Variants in BCL9 observed in about 807,000 individuals in gnomAD.
BCL9 encodes B-cell CLL/lymphoma 9 protein.
A neutral mutation model predicts 88.5 loss-of-function variants in BCL9; 25 were observed. That is an observed-to-expected ratio of 0.28 (90% confidence interval 0.21 to 0.39). The LOEUF is 0.39. BCL9 is among the 10% of genes least tolerant of loss of function. BCL9 has a pLI of 1.00. For missense variants in BCL9, 1,817 were observed against 1,877.8 expected (o/e 0.97, Z 0.60); for synonymous variants, 711 against 673.3 (o/e 1.06, Z -0.87).
intron 1 of BCL9, among the ~76,000 whole-genome samples, chr1:147,550,969 G>A (rs1654874966): frequency 6.6e-6 from 1 of 152,194 alleles, no homozygotes; most frequent in African/African-American, 2.4e-5. Flanking sequence ...AGAACATAAG[G>A]AGGAAGGAAA....
chr1:147,587,606 A>G (rs644105), intron 1 of BCL9, among the ~76,000 whole-genome samples: 18,572 of 152,222 alleles, frequency 0.12, 2,102 homozygotes, highest in East Asian at 0.3. Context: ...TGTTGTGCCC[A>G]GCTAGCTGCT....
intron 3 of BCL9, among the ~76,000 whole-genome samples, chr1:147,610,993 A>T (rs1483087784): frequency 2.0e-5 from 3 of 152,206 alleles, no homozygotes; most frequent in African/African-American, 7.2e-5. Flanking sequence ...CATGGAAATC[A>T]GGGGGCAGAA....
chr1:147,600,168 T>A (rs1433880834), intron 1 of BCL9: 1 of 156,702 alleles, frequency 6.4e-6, no homozygotes, highest in Admixed American at 6.6e-5. Context: ...GGAGCCTATG[T>A]GTGCTTGCCG....
chr1:147,611,895 G>C lies in BCL9; in HGVS notation c.53+6G>C, dbSNP rs1197830672. ...CCATCAGGAAACACACAGAGGTAAG[G>C]GCTGGGCTGGGGCCTCTTCCTGCAG... On this transcript the variant is annotated splice_donor_region_variant and intron_variant, in intron 4 of 9. Coordinates refer to ENST00000234739, the MANE Select transcript of BCL9 (RefSeq NM_004326.4). 1.2e-6 allele frequency: 2 copies of C among 1,613,688 alleles called. No homozygotes were observed. Among genetic ancestry groups the C allele is most frequent in the African/African-American group, 2.7e-5 (2 of 74,934 alleles).
chr1:147,561,583 T>G (rs1290995982), intron 1 of BCL9, among the ~76,000 whole-genome samples: 1 of 152,226 alleles, frequency 6.6e-6, no homozygotes, highest in Non-Finnish European at 1.5e-5. Flanking sequence ...GTCTATTTAT[T>G]CATTTGTTCA....
intron 7 of BCL9, among the ~76,000 whole-genome samples, chr1:147,617,986 G>A (rs1409474357): frequency 1.3e-5 from 2 of 152,116 alleles, no homozygotes; most frequent in African/African-American, 4.8e-5. Flanking sequence ...CTTCTACCCT[G>A]GACTTAGTAT....
chr1:147,592,031 A>T (rs1388767363), intron 1 of BCL9, among the ~76,000 whole-genome samples: 2 of 152,190 alleles, frequency 1.3e-5, no homozygotes, highest in Non-Finnish European at 2.9e-5. Flanking sequence ...CTAATGCTTG[A>T]CTGATAAACT....
At chr1:147,605,302 T>C (rs1553201842) in intron 2 of BCL9, among the ~76,000 whole-genome samples, 2 of 152,246 alleles carry the variant, frequency 1.3e-5, no homozygotes, top group African/African-American at 4.8e-5. Flanking sequence ...AGAGGAGGAA[T>C]GACAGTGCCC....
chr1:147,586,070 G>C lies in BCL9; in HGVS notation c.-477-18707G>C, dbSNP rs190034288. Reference sequence around the variant, plus strand: ...AATCATCACTATTATTGGCCTCTCTGTGCTTGGCACTTTATCTCTCAACTG... The same window carrying C: ...AATCATCACTATTATTGGCCTCTCTCTGCTTGGCACTTTATCTCTCAACTG... On this transcript the variant is annotated intron_variant, in intron 1 of 9. Coordinates refer to ENST00000234739, the MANE Select transcript of BCL9 (RefSeq NM_004326.4). Among the ~76,000 whole-genome samples the C allele has an allele frequency of 2.7e-3, 409 of 152,194 alleles. 2 individuals carry two copies. The highest frequency in any genetic ancestry group is 9.5e-3 in the African/African-American group (395 of 41,512).
chr1:147,612,070 C>G (rs1658033946), intron 4 of BCL9, among the ~76,000 whole-genome samples, 181 bp downstream of exon 4: 1 of 152,130 alleles, frequency 6.6e-6, no homozygotes, highest in African/African-American at 2.4e-5. Context: ...GTAATCAAAG[C>G]TTATGTTAGA....
Position 147,621,031 on chromosome 1 carries a change from C to A in BCL9, c.2876C>A (p.Pro959Gln). Residue 959 changes from proline (P) to glutamine (Q), a missense_variant, in exon 8 of 10, where the codon CCA (proline) becomes CAA (glutamine). Coordinates refer to ENST00000234739, the MANE Select transcript of BCL9 (RefSeq NM_004326.4). ...NHKAPLTMAS[P>Q]AMLGNVESGG... ...AAAGCACCCCTCACCATGGCCTCCC[C>A]AGCCATGCTGGGAAATGTAGAGTCA... 6.2e-7 allele frequency: 1 copy of A among 1,613,764 alleles called. No homozygotes were observed. The highest frequency in any genetic ancestry group is 8.5e-7 in the Non-Finnish European group (1 of 1,179,892).
Position 147,620,499 on chromosome 1 carries a change from A to C in BCL9, c.2344A>C (p.Arg782=). ...HPQQEYGMGP[R]PFLPMSQGPG... ...CCAGCAGGAGTATGGCATGGGCCCC[A>C]GACCATTCCTTCCCATGTCTCAGGG... The change falls in exon 8 of 10, where the codon AGA becomes CGA. Residue 782 remains arginine, a synonymous_variant. Coordinates refer to ENST00000234739, the MANE Select transcript of BCL9 (RefSeq NM_004326.4). 1 of 1,614,180 alleles carries C rather than the reference A, an allele frequency of 6.2e-7. No homozygotes were observed. Among genetic ancestry groups the C allele is most frequent in the Non-Finnish European group, 8.5e-7 (1 of 1,180,012 alleles).
At chr1:147,599,573 G>A (rs868954790) in intron 1 of BCL9, among the ~76,000 whole-genome samples, 2 of 152,118 alleles carry the variant, frequency 1.3e-5, no homozygotes, top group Admixed American at 6.5e-5. Flanking sequence ...GAGGGGACGG[G>A]AAGAGGAGAC....
At chr1:147,603,277 T>C (rs1450860320) in intron 1 of BCL9, among the ~76,000 whole-genome samples, 1 of 152,198 alleles carries the variant, frequency 6.6e-6, no homozygotes, top group Non-Finnish European at 1.5e-5. Flanking sequence ...AAGACAGTAA[T>C]AGTGATGACA....
intron 1 of BCL9, among the ~76,000 whole-genome samples, chr1:147,579,618 C>A (rs781893330): frequency 2.0e-5 from 3 of 152,174 alleles, no homozygotes; most frequent in African/African-American, 4.8e-5. Context: ...TAGGGGCACA[C>A]CTAACAGCTT....
At chr1:147,605,479 G>A (rs886790743) in intron 2 of BCL9, among the ~76,000 whole-genome samples, 1 of 152,136 alleles carries the variant, frequency 6.6e-6, no homozygotes, top group African/African-American at 2.4e-5. Context: ...TATTCCAGAT[G>A]GTGATAGTTG....
At chr1:147,572,931 C>A (rs781888892) in intron 1 of BCL9, among the ~76,000 whole-genome samples, 8 of 152,178 alleles carry the variant, frequency 5.3e-5, no homozygotes, top group Non-Finnish European at 7.3e-5. Flanking sequence ...GAAGCTGGGG[C>A]TTTGTTCATT....
chr1:147,547,684 C>T (rs587748502), intron 1 of BCL9, among the ~76,000 whole-genome samples: 3 of 152,210 alleles, frequency 2.0e-5, no homozygotes, highest in South Asian at 4.1e-4. Flanking sequence ...GAATATCTTG[C>T]TTAATGTCAT....
rs1315204656 is a variant in BCL9 at position 147,619,927 on chromosome 1, G to T, written c.1772G>T (p.Ser591Ile). The T allele has an allele frequency of 6.2e-7, 1 of 1,614,212 alleles. No homozygotes were observed. The highest frequency in any genetic ancestry group is 1.1e-5 in the South Asian group (1 of 91,084). The part of the protein sequence containing the change: ...PASRPGLSGV[S>I]WPDDVPKIPD... Reference sequence around the variant, plus strand: ...TCTAGACCAGGTCTTTCTGGAGTCAGTTGGCCAGATGATGTGCCAAAAATC... The same window carrying T: ...TCTAGACCAGGTCTTTCTGGAGTCATTTGGCCAGATGATGTGCCAAAAATC... Residue 591 changes from serine to isoleucine, a missense_variant, in exon 8 of 10, where the codon AGT (serine) becomes ATT (isoleucine). Ser to Ile is a moderately radical substitution (Grantham distance 142, BLOSUM62 -2). Around this residue, in one of 2 missense-constraint regions of BCL9, gnomAD observed 1,228 missense variants for 1,191.6 expected, o/e 1.03. Coordinates refer to ENST00000234739, the MANE Select transcript of BCL9 (RefSeq NM_004326.4). The surrounding 1 kb of genome is among the most constrained non-coding windows in gnomAD (Gnocchi z 4.1).
Sources: gnomAD v4.1 joint callset for allele counts (sites outside exome capture counted in the v4.1 genomes callset) on GRCh38, gnomAD v4.1.1 for gene constraint, gnomAD v4.1.1 regional missense constraint, Gnocchi (gnomAD v3.1) non-coding constraint, MANE v1.5 for transcripts, NCBI Gene and HGNC (gene_info 2026-07-23, HGNC 2026-07-21) for gene names.